FDFT1: variants seen among roughly 807,000 people sequenced by gnomAD.
FDFT1 encodes farnesyl-diphosphate farnesyltransferase 1.
FDFT1 carries 68 observed loss-of-function variants against 46.8 expected under a neutral mutation model. The ratio of observed to expected loss-of-function variants is 1.45; its 90% CI spans 1.19 to 1.78. The LOEUF (loss-of-function observed/expected upper bound fraction) is 1.78, where lower values mean the gene tolerates loss of function less well. Among genes scored for constraint, FDFT1 ranks in the 40% most tolerant of loss-of-function variants. The pLI is 0.00. For missense variants in FDFT1, 928 were observed against 524.4 expected, an observed-to-expected ratio of 1.77 and a Z score of -7.52; for synonymous variants, 351 against 185.1, an observed-to-expected ratio of 1.90 and a Z score of -7.28.
intron 3 of FDFT1, among the ~76,000 whole-genome samples, chr8:11,814,798 C>G (rs577864372): frequency 6.7e-5 from 10 of 148,254 alleles, no homozygotes; most frequent in Middle Eastern, 3.5e-3. Context: ...AATTGGGTAA[C>G]TAATGAGATA....
intron 1 of FDFT1, among the ~76,000 whole-genome samples, chr8:11,804,548 G>A (rs1806562998): frequency 6.6e-6 from 1 of 150,610 alleles, no homozygotes; most frequent in Non-Finnish European, 1.5e-5. Flanking sequence ...TTAATTAGGG[G>A]AAATAAATTG....
At chr8:11,821,928 C>T (rs748993815) in intron 4 of FDFT1, 50 bp downstream of exon 4, 3 of 1,591,728 alleles carry the variant, frequency 1.9e-6, no homozygotes, top group Non-Finnish European at 2.6e-6. Context: ...ACAGAGCTGG[C>T]AGTCCTCATA....
At position 11,808,911 on chromosome 8, in the gene FDFT1, C is replaced by T. The variant is rs1193882935; in HGVS notation, c.197+20C>T. The T allele has an allele frequency of 7.5e-6, 12 of 1,609,590 alleles. No homozygotes were observed. The highest frequency in any genetic ancestry group is 1.3e-5 in the African/African-American group (1 of 74,890). Reference sequence around the variant, plus strand: ...AATGCGGTGAGTGATGGAGGCAGCGCCTCTGGCTTGGAGGAAAGCTTGTCC... The same window carrying T: ...AATGCGGTGAGTGATGGAGGCAGCGTCTCTGGCTTGGAGGAAAGCTTGTCC... On this transcript the variant is annotated intron_variant, in intron 2 of 7. Transcript: ENST00000220584.
chr8:11,817,941 A>G (rs1808688316), intron 3 of FDFT1, among the ~76,000 whole-genome samples: 1 of 150,502 alleles, frequency 6.6e-6, no homozygotes, highest in Admixed American at 6.6e-5. Context: ...TAGTTCTTTT[A>G]ATTGTGATGT....
In FDFT1 at chr8:11,808,199, T is replaced by C. The variant is rs773544475; in HGVS notation, c.100-595T>C. Reference sequence around the variant, plus strand: ...CGTTGAGTACAAAGTCCAGGCCTTATTGGGAAGAGGATTTCAGCGGAGCCC... The same window carrying C: ...CGTTGAGTACAAAGTCCAGGCCTTACTGGGAAGAGGATTTCAGCGGAGCCC... On this transcript the variant is annotated intron_variant, in intron 1 of 7. Transcript: ENST00000220584. 327 of 1,060,708 alleles carry C rather than the reference T, an allele frequency of 3.1e-4. 1 individual carries two copies. Among genetic ancestry groups the C allele is most frequent in the Non-Finnish European group, 3.5e-4 (303 of 859,944 alleles). 65.7% of individuals were successfully genotyped at this position (1,060,708 alleles called of 1,614,324 possible). A position where few individuals can be genotyped will look rare whatever the true frequency, so the allele number is the denominator to read the frequency against.
At chr8:11,826,356 T>C (rs895750819) in intron 5 of FDFT1, 141 bp downstream of exon 5, 4 of 535,760 alleles carry the variant, frequency 7.5e-6, no homozygotes, top group African/African-American at 5.7e-5. Context: ...ATAGGATAGC[T>C]TGACATGAGT....
upstream of FDFT1, chr8:11,802,174 C>G (rs892139502): frequency 2.2e-6 from 1 of 445,422 alleles, no homozygotes; most frequent in Non-Finnish European, 4.5e-6. Context: ...ATGGCGGTGG[C>G]GGGCAGGCGA....
At position 11,831,633 on chromosome 8, in the gene FDFT1, C is replaced by G. The variant is rs758432597; in HGVS notation, c.995C>G (p.Pro332Arg). The part of the protein sequence containing the change: ...VTLMMDATNM[P>R]AVKAIIYQYM... ...CTGATGATGGATGCCACCAATATGC[C>G]AGCTGTCAAAGCCATCATATATCAG... Residue 332 changes from proline (P) to arginine (R), a missense_variant, in exon 7 of 8, where the codon CCA becomes CGA. Transcript: ENST00000220584. The G allele has an allele frequency of 3.1e-6, 5 of 1,613,868 alleles. No homozygotes were observed. Among genetic ancestry groups the G allele is most frequent in the South Asian group, 1.1e-5 (1 of 91,078 alleles).
At chr8:11,818,637 A>G (rs770240133) in intron 3 of FDFT1, among the ~76,000 whole-genome samples, 3 of 149,944 alleles carry the variant, frequency 2.0e-5, no homozygotes, top group Non-Finnish European at 4.4e-5. Flanking sequence ...GTCTCTTTTG[A>G]TCTTAGTTGG....
intron 3 of FDFT1, among the ~76,000 whole-genome samples, chr8:11,819,197 G>T (rs568527735): frequency 6.6e-6 from 1 of 152,314 alleles, no homozygotes; most frequent in African/African-American, 2.4e-5. Context: ...CTGGCTAGTA[G>T]GGTTTCTGCT....
chr8:11,819,191 C>G (rs528267302), intron 3 of FDFT1, among the ~76,000 whole-genome samples: 3 of 152,308 alleles, frequency 2.0e-5, no homozygotes, highest in Non-Finnish European at 2.9e-5. Flanking sequence ...TCTCTTCTGG[C>G]TAGTAGGGTT....
rs531759815 is a variant in FDFT1, at chr8:11,832,551, C to CAAA, written c.1032+904_1032+906dup. Among the ~76,000 whole-genome samples the CAAA allele has an allele frequency of 4.1e-4, 15 of 36,378 alleles. 2 individuals are homozygous for CAAA. Among genetic ancestry groups the CAAA allele is most frequent in the East Asian group, 8.9e-4 (1 of 1,122 alleles). The allele number at this position is 36,378 out of a possible 152,430, so 23.9% of individuals were successfully genotyped here. A position where few individuals can be genotyped will look rare whatever the true frequency, so the allele number is the denominator to read the frequency against. On this transcript the variant is annotated intron_variant, in intron 7 of 7. Coordinates refer to ENST00000220584, the MANE Select transcript of FDFT1 (RefSeq NM_004462.5). ...TGGGTGATAGAGTGAGACTTTGTCT[C>CAAA]AAAAAAAAAAAAAAAAAAAAAAAAA...
intron 1 of FDFT1, among the ~76,000 whole-genome samples, chr8:11,796,769 G>A (rs951449681): frequency 8.5e-5 from 13 of 152,370 alleles, no homozygotes; most frequent in African/African-American, 3.1e-4. Context: ...TTTTCTTGCA[G>A]GACAGGCAAG....
At chr8:11,821,230 C>T (rs1585940496) in intron 3 of FDFT1, among the ~76,000 whole-genome samples, 1 of 152,192 alleles carries the variant, frequency 6.6e-6, no homozygotes, top group African/African-American at 2.4e-5. Flanking sequence ...TTTGAATCTT[C>T]TTTTGAATCT....
At chr8:11,834,864 C>G (rs1811324745) in intron 7 of FDFT1, among the ~76,000 whole-genome samples, 2 of 152,216 alleles carry the variant, frequency 1.3e-5, no homozygotes, top group African/African-American at 4.8e-5. Flanking sequence ...TGGCTCACAC[C>G]TGTAATCCCA....
intron 1 of FDFT1, chr8:11,803,224 C>T (rs1462030361): frequency 6.4e-6 from 9 of 1,396,266 alleles, no homozygotes; most frequent in South Asian, 3.7e-5. Flanking sequence ...CGGCGCTTAC[C>T]GGTATTTTAA....
upstream of FDFT1, chr8:11,797,785 A>G (rs1470156549): frequency 6.6e-6 from 1 of 152,276 alleles, no homozygotes; most frequent in Non-Finnish European, 1.5e-5. Flanking sequence ...TGGCTAGGCA[A>G]GGAGCAGGAA....
intron 3 of FDFT1, among the ~76,000 whole-genome samples, chr8:11,818,390 A>T (rs1373449325): frequency 6.6e-6 from 1 of 152,142 alleles, no homozygotes. Context: ...CTTGGTCCAG[A>T]GCTGAGTTCA....
At chr8:11,809,133 C>G (rs1037289739) in intron 2 of FDFT1, 3 of 1,320,008 alleles carry the variant, frequency 2.3e-6, no homozygotes, top group Non-Finnish European at 2.9e-6. Flanking sequence ...TGTTTATTAA[C>G]TTTTTTTAGT....
Sources: gnomAD v4.1 joint callset for allele counts (sites outside exome capture counted in the v4.1 genomes callset) on GRCh38, gnomAD v4.1.1 for gene constraint, MANE v1.5 for transcripts, NCBI Gene and HGNC (gene_info 2026-07-23, HGNC 2026-07-21) for gene names.